The following SH3RF3 variants were observed in gnomAD, a reference collection of about 807,000 sequenced individuals.
SH3RF3 encodes SH3 domain containing ring finger 3, also known as E3 ubiquitin-protein ligase SH3RF3.
In SH3RF3, 29 loss-of-function variants were observed where a neutral mutation model predicts 66.3. The observed-to-expected ratio is 0.44, with a 90% CI of 0.33 to 0.60. The LOEUF (loss-of-function observed/expected upper bound fraction) is 0.60, where lower values mean the gene tolerates loss of function less well. Among genes scored for constraint, SH3RF3 ranks in the 20% least tolerant of loss-of-function variants. SH3RF3 has a pLI of 0.04. For missense variants in SH3RF3, 1,194 were observed against 1,190.9 expected (o/e 1.00, Z -0.04); for synonymous variants, 583 against 532.0 (o/e 1.10, Z -1.32).
chr2:109,245,038 T>C (rs1277379268), intron 1 of SH3RF3, among the ~76,000 whole-genome samples: 1 of 152,188 alleles, frequency 6.6e-6, no homozygotes, highest in Non-Finnish European at 1.5e-5. Flanking sequence ...TTTAAGTGTT[T>C]AGTCCTGTTG....
intron 2 of SH3RF3, among the ~76,000 whole-genome samples, chr2:109,370,366 A>G (rs1279675326): frequency 1.3e-5 from 2 of 151,888 alleles, no homozygotes; most frequent in South Asian, 2.1e-4. Flanking sequence ...CAGACTCCCA[A>G]GTAGCTGGGA....
At chr2:109,158,708 T>C (rs992520052) in intron 1 of SH3RF3, among the ~76,000 whole-genome samples, 1 of 152,258 alleles carries the variant, frequency 6.6e-6, no homozygotes, top group African/African-American at 2.4e-5. Context: ...GATGTAATTA[T>C]GCCACATCAT....
intron 1 of SH3RF3, among the ~76,000 whole-genome samples, chr2:109,249,532 T>TTTCTTTATTTCC (rs1680019798): frequency 1.0e-5 from 1 of 96,450 alleles, no homozygotes; most frequent in Non-Finnish European, 2.0e-5. Flanking sequence ...TCTTTCTTTC[T>TTTCTTTATTTCC]TTCCTTCCTT....
intron 2 of SH3RF3, among the ~76,000 whole-genome samples, chr2:109,352,811 A>G (rs562567753): frequency 5.3e-5 from 8 of 152,282 alleles, no homozygotes; most frequent in Admixed American, 3.9e-4. Context: ...GGAGCAGAGC[A>G]CCCTCTTAGC....
chr2:109,171,415 A>C (rs572189527), intron 1 of SH3RF3, among the ~76,000 whole-genome samples: 1 of 152,330 alleles, frequency 6.6e-6, no homozygotes, highest in South Asian at 2.1e-4. Context: ...AATTATCTGC[A>C]TATTGACTTG....
At chr2:109,400,036 G>A (rs1443057659) in intron 4 of SH3RF3, among the ~76,000 whole-genome samples, 1 of 152,206 alleles carries the variant, frequency 6.6e-6, no homozygotes, top group East Asian at 1.9e-4. Context: ...TGATCTGCGG[G>A]GAATCATGGG....
chr2:109,326,730 G>C (rs1034269721), intron 1 of SH3RF3, among the ~76,000 whole-genome samples: 2 of 152,204 alleles, frequency 1.3e-5, no homozygotes, highest in Admixed American at 6.5e-5. Flanking sequence ...GTTCTTACCT[G>C]GTGTTTACTG....
chr2:109,202,925 G>A (rs936835051), intron 1 of SH3RF3, among the ~76,000 whole-genome samples: 22 of 152,346 alleles, frequency 1.4e-4, no homozygotes, highest in Middle Eastern at 3.4e-3. Flanking sequence ...GAGTGTAGGT[G>A]TCATGGAAGG....
chr2:109,450,281 G>A (rs1375224431), intron 8 of SH3RF3, among the ~76,000 whole-genome samples: 1 of 151,994 alleles, frequency 6.6e-6, no homozygotes, highest in Non-Finnish European at 1.5e-5. Flanking sequence ...GGGGGGCAGA[G>A]CCTGCAGTGA....
Position 109,449,313 on chromosome 2 carries a change from G to A in SH3RF3, c.1972G>A (p.Val658Met). 6.2e-7 allele frequency: 1 copy of A among 1,606,946 alleles called. No homozygotes were observed. Among genetic ancestry groups the A allele is most frequent in the Non-Finnish European group, 8.5e-7 (1 of 1,176,388 alleles). ...VSPQHSHQPP[V>M]QMCPRPAIPL... Reference sequence around the variant, plus strand: ...CCCGCAGCACAGCCACCAGCCCCCGGTGCAGATGTGCCCACGGCCGGCCAT... The same window carrying A: ...CCCGCAGCACAGCCACCAGCCCCCGATGCAGATGTGCCCACGGCCGGCCAT... Residue 658 changes from valine to methionine, a missense_variant, in exon 8 of 10, where the codon GTG becomes ATG. Coordinates refer to ENST00000309415, the MANE Select transcript of SH3RF3 (RefSeq NM_001099289.3).
intron 1 of SH3RF3, among the ~76,000 whole-genome samples, chr2:109,254,268 T>C (rs1439792013): frequency 6.6e-6 from 1 of 152,184 alleles, no homozygotes; most frequent in Non-Finnish European, 1.5e-5. Context: ...TTCTAGAGTT[T>C]TTAGCACGCA....
At chr2:109,221,505 C>T (rs1304129930) in intron 1 of SH3RF3, among the ~76,000 whole-genome samples, 1 of 150,736 alleles carries the variant, frequency 6.6e-6, no homozygotes, top group African/African-American at 2.5e-5. Flanking sequence ...TTGCTTGAAC[C>T]TGGGAGGCAG....
chr2:109,476,046 A>G (rs935870010), intron 8 of SH3RF3, among the ~76,000 whole-genome samples: 1 of 152,006 alleles, frequency 6.6e-6, no homozygotes, highest in African/African-American at 2.4e-5. Context: ...CTGTGCCCAG[A>G]GTTAGCAGTA....
At chr2:109,323,209 C>T (rs1018186453) in intron 1 of SH3RF3, among the ~76,000 whole-genome samples, 9 of 152,094 alleles carry the variant, frequency 5.9e-5, no homozygotes, top group African/African-American at 1.9e-4. Context: ...GAAGGAGGGC[C>T]GGGGGCCATC....
intron 4 of SH3RF3, among the ~76,000 whole-genome samples, chr2:109,415,930 T>C (rs1016820963): frequency 9.2e-5 from 14 of 152,078 alleles, no homozygotes; most frequent in Non-Finnish European, 1.3e-4. Flanking sequence ...TAATCACTCA[T>C]GGATTCCTGG....
chr2:109,403,041 G>A (rs928985013), intron 4 of SH3RF3, among the ~76,000 whole-genome samples: 6 of 152,188 alleles, frequency 3.9e-5, no homozygotes, highest in East Asian at 1.9e-4. Context: ...TTAGCTGGCC[G>A]AATTAAGGGG....
intron 1 of SH3RF3, among the ~76,000 whole-genome samples, chr2:109,274,003 A>T (rs998842612): frequency 2.0e-5 from 3 of 152,202 alleles, no homozygotes; most frequent in South Asian, 4.1e-4. Context: ...TACTTACCAT[A>T]GTTCTGGGCT....
At chr2:109,168,257 C>G (rs1370485926) in intron 1 of SH3RF3, among the ~76,000 whole-genome samples, 1 of 152,212 alleles carries the variant, frequency 6.6e-6, no homozygotes, top group African/African-American at 2.4e-5. Flanking sequence ...TTTTCACCAC[C>G]TGATGGGGTC....
chr2:109,251,414 T>G, intron 1 of SH3RF3: 1 of 700,748 alleles, frequency 1.4e-6, no homozygotes. Context: ...GTGCATGGAG[T>G]AGACACCATG....
Sources: allele counts gnomAD v4.1 joint callset (sites outside exome capture counted in the v4.1 genomes callset), GRCh38; gene constraint gnomAD v4.1.1; transcripts MANE v1.5; gene names NCBI Gene and HGNC (gene_info 2026-07-23, HGNC 2026-07-21).